The following CELF2 variants were observed in gnomAD, a reference collection of about 807,000 sequenced individuals.
CELF2 encodes CUG triplet repeat RNA-binding protein 2.
In CELF2, 8 loss-of-function variants were observed where a neutral mutation model predicts 62.6. The ratio of observed to expected loss-of-function variants is 0.13; its 90% CI spans 0.07 to 0.23. CELF2 has a LOEUF of 0.23. CELF2 is among the 10% of genes least tolerant of loss of function. The pLI is 1.00. For synonymous variants in CELF2, 258 were observed against 250.0 expected (o/e 1.03, Z -0.30); for missense variants, 333 against 671.0 (o/e 0.50, Z 5.56).
At chr10:10,738,450 T>G in the CELF2 span, among the ~76,000 whole-genome samples, 4 of 152,164 alleles carry the variant, frequency 2.6e-5, no homozygotes, top group Admixed American at 2.6e-4. Context: ...GTGATCAACA[T>G]CAGTATCAGC....
chr10:10,747,664 C>A, the CELF2 span, among the ~76,000 whole-genome samples: 1 of 152,054 alleles, frequency 6.6e-6, no homozygotes, highest in Non-Finnish European at 1.5e-5. Context: ...AGGGGACAGC[C>A]AGGGAGCACC....
Position 11,315,708 on chromosome 10 carries a change from A to G in CELF2, c.1096+1450A>G, listed in dbSNP as rs1305234299. 6.6e-6 allele frequency among the ~76,000 whole-genome samples: 1 copy of G among 152,110 alleles called. No individual in the cohort carries two copies. On this transcript the variant is annotated intron_variant, in intron 10 of 12. Coordinates refer to ENST00000633077, the MANE Select transcript of CELF2 (RefSeq NM_001326342.2). This position sits in a 1 kb window ranked among gnomAD's most constrained non-coding sequence, Gnocchi z 5.8. ...GAAGTGGTAGCTGTGCCGCGGCCTCATTGTTTTATTCCAGTTAGAACCGCC... is the reference window on the plus strand; with the variant it reads ...GAAGTGGTAGCTGTGCCGCGGCCTCGTTGTTTTATTCCAGTTAGAACCGCC...
chr10:10,933,130 TAAA>T (rs55850099), intron 2 of CELF2, among the ~76,000 whole-genome samples: 1 of 144,502 alleles, frequency 6.9e-6, no homozygotes. Flanking sequence ...CCAAGTCTCT[TAAA>T]AAAAAAAAAA....
the CELF2 span, among the ~76,000 whole-genome samples, chr10:10,699,842 G>A: frequency 6.6e-6 from 1 of 152,224 alleles, no homozygotes; most frequent in Non-Finnish European, 1.5e-5. Flanking sequence ...CCTGAATGAT[G>A]TCTCTGGTGG....
At chr10:10,799,444 A>C (rs974737288) in intron 1 of CELF2, among the ~76,000 whole-genome samples, 1 of 152,160 alleles carries the variant, frequency 6.6e-6, no homozygotes, top group African/African-American at 2.4e-5. Flanking sequence ...AGATCACACC[A>C]GTGCACTCCA....
chr10:11,150,731 C>G (rs529167771), intron 1 of CELF2, among the ~76,000 whole-genome samples: 8 of 152,228 alleles, frequency 5.3e-5, no homozygotes, highest in Non-Finnish European at 8.8e-5. Context: ...CTATGCAACA[C>G]TTAAATTATA....
intron 1 of CELF2, among the ~76,000 whole-genome samples, chr10:10,912,066 T>C (rs2063858459): frequency 6.6e-6 from 1 of 152,182 alleles, no homozygotes; most frequent in Non-Finnish European, 1.5e-5. Flanking sequence ...ACCTGTTTCA[T>C]ACAGCAGGTA....
intron 1 of CELF2, among the ~76,000 whole-genome samples, chr10:11,130,876 G>A (rs2059517371): frequency 6.6e-6 from 1 of 152,156 alleles, no homozygotes; most frequent in Non-Finnish European, 1.5e-5. Context: ...TTATAATACA[G>A]CTAGATGAGG....
chr10:11,321,377 C>T lies in CELF2; in HGVS notation c.1285C>T (p.Gln429Ter). 1 of 1,605,364 alleles carries T rather than the reference C, an allele frequency of 6.2e-7. No individual in the cohort carries two copies. The stretch of plus-strand genomic sequence containing the variant: ...GCAGCAGCAGAGCGCTGCAGGCAGC[C>T]AGAAGGAAGGTAGGTGCCGCCCTTG... Reference protein sequence around the residue: ...LLQQQSAAGSQKEGPEGANLF... With the variant: ...LLQQQSAAGS The change falls in exon 11 of 13, where the codon CAG (glutamine) becomes TAG (stop). Residue 429 changes from glutamine (Q) to a stop codon, truncating the protein, a stop_gained. Transcript: ENST00000633077. LOFTEE classifies it high-confidence loss of function. The surrounding 1 kb of genome is among the most constrained non-coding windows in gnomAD (Gnocchi z 6.2).
At chr10:10,553,718 T>C in the CELF2 span, among the ~76,000 whole-genome samples, 1 of 152,086 alleles carries the variant, frequency 6.6e-6, no homozygotes, top group Non-Finnish European at 1.5e-5. Context: ...GCTGAAGTCA[T>C]CTGTGAAAGA....
At chr10:11,031,408 A>G (rs920800281) in intron 1 of CELF2, among the ~76,000 whole-genome samples, 1 of 152,216 alleles carries the variant, frequency 6.6e-6, no homozygotes, top group Non-Finnish European at 1.5e-5. Context: ...GCTCAAGTGC[A>G]TAAACATTTG....
In CELF2 at chr10:11,105,077, A is replaced by G. The variant is rs529652497; in HGVS notation, c.75-60409A>G. On this transcript the variant is annotated intron_variant, in intron 1 of 12. Coordinates refer to ENST00000633077, the MANE Select transcript of CELF2 (RefSeq NM_001326342.2). ...TGTGATTTCCTGATGAGCAAAACTG[A>G]AACAGTGATTCAAAACATACCGGTT... Among the ~76,000 whole-genome samples, 4 of 152,372 alleles carry G rather than the reference A, an allele frequency of 2.6e-5. No homozygotes were observed. In the South Asian group the frequency reaches 6.2e-4, roughly 24 times the overall value.
chr10:10,950,622 C>A (rs1231674158), intron 2 of CELF2, among the ~76,000 whole-genome samples: 1 of 152,172 alleles, frequency 6.6e-6, no homozygotes. Flanking sequence ...AAGAGGGACT[C>A]TGGGGACCAC....
At position 10,861,712 on chromosome 10, in the gene CELF2, T is replaced by A. The variant is rs534081158; in HGVS notation, c.54-58252T>A. The stretch of plus-strand genomic sequence containing the variant: ...TCCTGTTTTAGAAATCACTTTAAAA[T>A]TTTTTAAGTAAAAGTGTTCAAAGTT... On this transcript the variant is annotated intron_variant, in intron 1 of 13. Transcript: ENST00000636488. Among the ~76,000 whole-genome samples the A allele has an allele frequency of 1.1e-4, 17 of 152,282 alleles. 1 individual carries two copies. The South Asian group carries it at 3.5e-3, about 32-fold the overall frequency.
chr10:10,578,540 A>G, the CELF2 span, among the ~76,000 whole-genome samples: 8 of 152,106 alleles, frequency 5.3e-5, no homozygotes, highest in African/African-American at 1.9e-4. Context: ...ATTTTTGTAT[A>G]TCAGCTTTCA....
chr10:10,572,477 C>T, the CELF2 span, among the ~76,000 whole-genome samples: 1 of 151,976 alleles, frequency 6.6e-6, no homozygotes, highest in African/African-American at 2.4e-5. Context: ...CAGCATGCAT[C>T]AGCTATTTTC....
At chr10:10,777,227 C>G in the CELF2 span, among the ~76,000 whole-genome samples, 1 of 152,164 alleles carries the variant, frequency 6.6e-6, no homozygotes, top group Admixed American at 6.5e-5. Flanking sequence ...CGATTGATCC[C>G]CACATTGTCA....
chr10:10,730,971 T>C, the CELF2 span, among the ~76,000 whole-genome samples: 2 of 152,196 alleles, frequency 1.3e-5, no homozygotes, highest in Admixed American at 1.3e-4. Flanking sequence ...GTCCCTGATA[T>C]TGTCCTGAGT....
At chr10:10,610,747 A>G in the CELF2 span, among the ~76,000 whole-genome samples, 2 of 152,236 alleles carry the variant, frequency 1.3e-5, no homozygotes, top group Admixed American at 6.5e-5. Flanking sequence ...GTCAATAAAA[A>G]TAGTCAAACT....
Sources: gnomAD v4.1 joint callset for allele counts (sites outside exome capture counted in the v4.1 genomes callset) on GRCh38, gnomAD v4.1.1 for gene constraint, Gnocchi (gnomAD v3.1) non-coding constraint, MANE v1.5 for transcripts, NCBI Gene and HGNC (gene_info 2026-07-23, HGNC 2026-07-21) for gene names.